MEG3: variants seen among roughly 807,000 people sequenced by gnomAD.
MEG3 encodes the protein Very putative protein from MEG3 locus.
exon 2 of MEG3, chr14:100,828,744 C>T (rs2037320259): frequency 6.6e-6 from 1 of 151,820 alleles, no homozygotes; most frequent in Non-Finnish European, 1.5e-5. Flanking sequence ...CGTCCACCTC[C>T]TTGTCTTCAA....
rs1264051950 is a variant in MEG3 at position 100,837,913 on chromosome 14, CG to C, written n.3045+1617del. On this transcript the variant is annotated intron_variant and non_coding_transcript_variant, in intron 2 of 3. Coordinates refer to the MEG3 transcript ENST00000398461. The surrounding 1 kb of genome is among the most constrained non-coding windows in gnomAD (Gnocchi z 5.8). Reference sequence around the variant, plus strand: ...TGGAGAGCCCCAGAGCCTGGAGAGACGGGGAGGGGAGTGTGTGCCCAGGGCT... The same window carrying C: ...TGGAGAGCCCCAGAGCCTGGAGAGACGGGAGGGGAGTGTGTGCCCAGGGCT... 8.6e-5 allele frequency among the ~76,000 whole-genome samples: 13 copies of C among 151,934 alleles called. No individual in the cohort carries two copies. The East Asian group carries it at 2.5e-3, about 30-fold the overall frequency.
intron 2 of MEG3, among the ~76,000 whole-genome samples, chr14:100,839,685 C>T (rs976403005): frequency 5.9e-5 from 9 of 152,128 alleles, no homozygotes; most frequent in Admixed American, 5.9e-4. Flanking sequence ...TGTGGGGGGC[C>T]CTCGGGGCTG....
intron 1 of MEG3, among the ~76,000 whole-genome samples, chr14:100,826,922 C>T (rs2037249485): frequency 6.6e-6 from 1 of 151,824 alleles, no homozygotes; most frequent in African/African-American, 2.4e-5. Context: ...TAGGATCAGT[C>T]CTTGCCGAAG....
At chr14:100,852,567 C>A, upstream of MEG3, 1 of 378,328 alleles carries the variant, frequency 2.6e-6, no homozygotes, top group East Asian at 7.0e-5. Context: ...TCCCTGGGGA[C>A]ACCTGCTGAA....
Position 100,837,717 on chromosome 14 carries a change from C to G in MEG3, n.3045+1417C>G, listed in dbSNP as rs2037631075. Among the ~76,000 whole-genome samples the G allele has an allele frequency of 6.6e-6, 1 of 151,956 alleles. No individual in the cohort carries two copies. The highest frequency in any genetic ancestry group is 1.5e-5 in the Non-Finnish European group (1 of 68,016). On this transcript the variant is annotated intron_variant and non_coding_transcript_variant, in intron 2 of 3. Transcript: ENST00000398461. This position sits in a 1 kb window ranked among gnomAD's most constrained non-coding sequence, Gnocchi z 5.8. ...GTTTCCGACGCAGCCTCGTAATGCT[C>G]TTTAATCAAACAGAGGATTTGGAGA...
chr14:100,852,787 G>A (rs2038123582), upstream of MEG3: 1 of 213,594 alleles, frequency 4.7e-6, no homozygotes, highest in Non-Finnish European at 9.6e-6. Flanking sequence ...AACAAGCGAC[G>A]TTGGCTGCTA....
chr14:100,840,497 CT>C (rs1377335051), intron 2 of MEG3, among the ~76,000 whole-genome samples: 1 of 122,826 alleles, frequency 8.1e-6, no homozygotes, highest in Non-Finnish European at 1.8e-5. Context: ...TGGAAGGTGC[CT>C]TTTTTTCCAG....
At chr14:100,855,543 C>G (rs969858945), upstream of MEG3, 1 of 152,274 alleles carries the variant, frequency 6.6e-6, no homozygotes, top group Non-Finnish European at 1.5e-5. Flanking sequence ...CCTCCCCAGG[C>G]CTCACCTTGC....
downstream of MEG3, chr14:100,834,166 G>T (rs10140785): frequency 0.03 from 4,537 of 153,016 alleles, 212 homozygotes; most frequent in African/African-American, 0.097. Flanking sequence ...TGGCCTCCCC[G>T]CCATGTAGCT....
upstream of MEG3, chr14:100,854,011 AAG>A (rs1416276806): frequency 1.3e-5 from 2 of 152,282 alleles, no homozygotes; most frequent in African/African-American, 4.8e-5. Context: ...GCTGATGGAT[AAG>A]AGGGTGGAAG....
chr14:100,835,080 T>G, exon 1 of MEG3: 2 of 342,108 alleles, frequency 5.8e-6, no homozygotes, highest in East Asian at 1.6e-4. Flanking sequence ...AGCAGTGGAC[T>G]GTGGCTCCAT....
intron 2 of MEG3, among the ~76,000 whole-genome samples, chr14:100,839,497 G>A (rs892020476): frequency 2.0e-5 from 3 of 152,192 alleles, no homozygotes; most frequent in African/African-American, 7.2e-5. Context: ...GTCTGGAAAG[G>A]GGAAGGATGA....
In MEG3 at chr14:100,845,369, C is replaced by A; in HGVS notation, n.3046-89C>A. On this transcript the variant is annotated intron_variant and non_coding_transcript_variant, in intron 2 of 3. Transcript: ENST00000398461. The surrounding 1 kb of genome is among the most constrained non-coding windows in gnomAD (Gnocchi z 5.2). ...TCTGCTCCAGGCCACCCCTGCCCGCCCCCCAGAGCTGTTGTCCTCATCCGC... is the reference window on the plus strand; with the variant it reads ...TCTGCTCCAGGCCACCCCTGCCCGCACCCCAGAGCTGTTGTCCTCATCCGC... The A allele has an allele frequency of 5.3e-6, 2 of 375,196 alleles. No homozygotes were observed. Among genetic ancestry groups the A allele is most frequent in the South Asian group, 1.9e-5 (1 of 52,620 alleles). 23.2% of individuals were successfully genotyped at this position (375,196 alleles called of 1,614,324 possible). A position where few individuals can be genotyped will look rare whatever the true frequency, so the allele number is the denominator to read the frequency against.
chr14:100,839,298 G>A (rs994088058), intron 2 of MEG3, among the ~76,000 whole-genome samples: 1 of 152,148 alleles, frequency 6.6e-6, no homozygotes, highest in African/African-American at 2.4e-5. Flanking sequence ...TTAGGAGACT[G>A]GAATTAATGA....
At chr14:100,853,406 G>T (rs570014283), upstream of MEG3, 1 of 152,100 alleles carries the variant, frequency 6.6e-6, no homozygotes, top group African/African-American at 2.4e-5. Context: ...TAATATAAAT[G>T]GTGTGGATGG....
downstream of MEG3, chr14:100,831,839 T>A (rs115573531): frequency 6.6e-6 from 1 of 152,316 alleles, no homozygotes; most frequent in African/African-American, 2.4e-5. Context: ...AGGTAAACTT[T>A]TCCAAGCCAG....
chr14:100,834,716 G>A (rs1262107712), exon 1 of MEG3: 1 of 456,636 alleles, frequency 2.2e-6, no homozygotes, highest in Non-Finnish European at 4.4e-6. Context: ...ACAGAGTGGG[G>A]CTCAGTTAGA....
chr14:100,857,464 A>C (rs931128555), exon 1 of MEG3: 1 of 152,232 alleles, frequency 6.6e-6, no homozygotes, highest in African/African-American at 2.4e-5. Context: ...TCTTGAAAGC[A>C]TGAGTGATGG....
At position 100,837,360 on chromosome 14, in the gene MEG3, T is replaced by C. The variant is rs1253009763; in HGVS notation, n.3045+1060T>C. ...TGTCAGGATCCTGGCACCCCTCATATATGACGCCCCTGGGGTGGCCATTGT... is the reference window on the plus strand; with the variant it reads ...TGTCAGGATCCTGGCACCCCTCATACATGACGCCCCTGGGGTGGCCATTGT... On this transcript the variant is annotated intron_variant and non_coding_transcript_variant, in intron 2 of 3. Transcript: ENST00000398461. This position sits in a 1 kb window ranked among gnomAD's most constrained non-coding sequence, Gnocchi z 5.8. Among the ~76,000 whole-genome samples the C allele has an allele frequency of 6.6e-6, 1 of 152,182 alleles. No individual in the cohort carries two copies. The highest frequency in any genetic ancestry group is 1.5e-5 in the Non-Finnish European group (1 of 68,020).
Sources: allele counts gnomAD v4.1 joint callset (sites outside exome capture counted in the v4.1 genomes callset), GRCh38; gene constraint gnomAD v4.1.1; non-coding constraint Gnocchi (gnomAD v3.1); transcripts MANE v1.5; gene names NCBI Gene and HGNC (gene_info 2026-07-23, HGNC 2026-07-21).